Variants in GMPS observed in about 807,000 individuals in gnomAD.
The protein encoded by GMPS is GMP synthase [glutamine-hydrolyzing].
Under a neutral mutation model 77.9 loss-of-function variants are expected in GMPS, and 15 were observed. That is an observed-to-expected ratio of 0.19 (90% CI 0.13 to 0.30). The LOEUF (loss-of-function observed/expected upper bound fraction) is 0.30, where lower values mean the gene tolerates loss of function less well. Ranked by LOEUF, GMPS falls within the 10% of genes least tolerant of loss-of-function variation. GMPS has a pLI of 1.00. For synonymous variants in GMPS, 224 were observed against 275.9 expected, an observed-to-expected ratio of 0.81 and a Z score of 1.86; for missense variants, 590 against 838.8, an observed-to-expected ratio of 0.70 and a Z score of 3.66.
chr3:155,881,242 G>A (rs932430380), intron 1 of GMPS, among the ~76,000 whole-genome samples: 4 of 145,804 alleles, frequency 2.7e-5, no homozygotes, highest in Admixed American at 7.1e-5. Flanking sequence ...GCATGATCTC[G>A]GCTCACCACA....
intron 10 of GMPS, among the ~76,000 whole-genome samples, chr3:155,920,584 A>G (rs994391451): frequency 2.0e-5 from 3 of 148,926 alleles, no homozygotes; most frequent in African/African-American, 7.7e-5. Context: ...TAAAAAAAAA[A>G]AAAAAGAAAA....
intron 3 of GMPS, 51 bp downstream of exon 3, chr3:155,898,092 T>C: frequency 1.2e-6 from 1 of 861,308 alleles, no homozygotes; most frequent in South Asian, 1.3e-5. Context: ...ATTCTGTTTG[T>C]GAGTCATACT....
chr3:155,926,723 A>T (rs1755465728), intron 12 of GMPS, among the ~76,000 whole-genome samples: 1 of 152,186 alleles, frequency 6.6e-6, no homozygotes, highest in African/African-American at 2.4e-5. Context: ...TGTAAATAAA[A>T]CAAGATAAAA....
intron 5 of GMPS, 54 bp downstream of exon 5, chr3:155,906,317 T>C: frequency 1.0e-6 from 1 of 982,944 alleles, no homozygotes; most frequent in Non-Finnish European, 1.6e-6. Context: ...ATCTGAAGAG[T>C]AAGCATATGC....
At chr3:155,874,139 T>C (rs1392277565) in intron 1 of GMPS, among the ~76,000 whole-genome samples, 2 of 152,178 alleles carry the variant, frequency 1.3e-5, no homozygotes, top group African/African-American at 2.4e-5. Flanking sequence ...CTTTTTATTA[T>C]GGCAGGGGTG....
In GMPS at chr3:155,874,795, G is replaced by T. The variant is rs184244369; in HGVS notation, c.27+3898G>T. Among the ~76,000 whole-genome samples the T allele has an allele frequency of 4.7e-3, 719 of 151,528 alleles. 2 individuals carry two copies. Among genetic ancestry groups the T allele is most frequent in the Non-Finnish European group, 7.2e-3 (492 of 67,948 alleles). On this transcript the variant is annotated intron_variant, in intron 1 of 15. Coordinates refer to ENST00000496455, the MANE Select transcript of GMPS (RefSeq NM_003875.3). ...CAAATGTATTTGATACTTTTTTAAG[G>T]TTAATGAATTACATTCCAAAGGATG...
intron 12 of GMPS, among the ~76,000 whole-genome samples, chr3:155,926,282 G>A (rs182887909): frequency 6.6e-6 from 1 of 152,174 alleles, no homozygotes; most frequent in Admixed American, 6.5e-5. Context: ...AAAGTGTTAG[G>A]ATTGGAAGCA....
intron 1 of GMPS, among the ~76,000 whole-genome samples, chr3:155,887,881 T>C (rs1754372572): frequency 6.6e-6 from 1 of 152,172 alleles, no homozygotes; most frequent in Non-Finnish European, 1.5e-5. Flanking sequence ...TGGTGTTTAT[T>C]GTACCAAACT....
intron 12 of GMPS, among the ~76,000 whole-genome samples, chr3:155,927,014 TAA>T (rs199726862): frequency 3.6e-4 from 52 of 143,206 alleles, no homozygotes; most frequent in African/African-American, 1.3e-3. Context: ...AACTCCTTCT[TAA>T]AAAAAAAAAA....
At chr3:155,932,864 CT>C (rs1755661090) in intron 13 of GMPS, among the ~76,000 whole-genome samples, 1 of 152,178 alleles carries the variant, frequency 6.6e-6, no homozygotes. Flanking sequence ...ACAGAAGCAT[CT>C]TTAAAATGCT....
Position 155,937,966 on chromosome 3 carries a change from T to A in GMPS, c.*274T>A. On this transcript the variant is annotated 3_prime_UTR_variant, in exon 16 of 16. Transcript: ENST00000496455. Reference sequence around the variant, plus strand: ...CCTCACTTATTCTTTATGTATAAATTCACTGTTGATGTCTCTGTGAATATG... The same window carrying A: ...CCTCACTTATTCTTTATGTATAAATACACTGTTGATGTCTCTGTGAATATG... The A allele has an allele frequency of 2.9e-6, 1 of 339,038 alleles. No individual in the cohort carries two copies. The highest frequency in any genetic ancestry group is 5.4e-6 in the Non-Finnish European group (1 of 185,916). 21.0% of individuals were successfully genotyped at this position (339,038 alleles called of 1,614,324 possible). A position where few individuals can be genotyped will look rare whatever the true frequency, so the allele number is the denominator to read the frequency against.
At position 155,886,107 on chromosome 3, in the gene GMPS, T is replaced by C. The variant is rs145346857; in HGVS notation, c.28-7411T>C. ...AAGTGCTGGGATTACAGGTGTGAGC[T>C]ATGGCGCTCAGCCTTCAGTTGGTTT... On this transcript the variant is annotated intron_variant, in intron 1 of 15. Transcript: ENST00000496455. 1.6e-4 allele frequency among the ~76,000 whole-genome samples: 24 copies of C among 151,616 alleles called. No individual in the cohort carries two copies. The East Asian group carries it at 4.7e-3, about 30-fold the overall frequency.
At chr3:155,921,588 G>A (rs1202733594) in intron 10 of GMPS, among the ~76,000 whole-genome samples, 23 of 152,150 alleles carry the variant, frequency 1.5e-4, no homozygotes, top group Admixed American at 1.5e-3. Flanking sequence ...CCGAGCTTCT[G>A]GAGTTCAAGA....
At chr3:155,934,030 G>A (rs1755698704) in intron 13 of GMPS, among the ~76,000 whole-genome samples, 1 of 152,028 alleles carries the variant, frequency 6.6e-6, no homozygotes, top group Non-Finnish European at 1.5e-5. Context: ...TATTTCAATG[G>A]CCTTTTTAAT....
At chr3:155,871,987 A>T (rs771036094) in intron 1 of GMPS, among the ~76,000 whole-genome samples, 4 of 152,140 alleles carry the variant, frequency 2.6e-5, no homozygotes, top group African/African-American at 4.8e-5. Context: ...GCAGTTTTGA[A>T]TTGCGATTTA....
intron 11 of GMPS, among the ~76,000 whole-genome samples, chr3:155,923,689 C>T (rs1755380215): frequency 6.6e-6 from 1 of 152,194 alleles, no homozygotes; most frequent in African/African-American, 2.4e-5. Flanking sequence ...ATAGAATTTA[C>T]TACCAACAGT....
At chr3:155,873,635 G>GTTTTTTTTTTTTTT (rs1340921688) in intron 1 of GMPS, among the ~76,000 whole-genome samples, 46 of 32,664 alleles carry the variant, frequency 1.4e-3, no homozygotes, top group Non-Finnish European at 2.0e-3. Context: ...ACATGAGTAA[G>GTTTTTTTTTTTTTT]TTCTTTTTTT....
Position 155,939,714 on chromosome 3 carries a change from G to T in GMPS, c.*2022G>T, listed in dbSNP as rs1385949434. The T allele has an allele frequency of 5.2e-6, 1 of 193,702 alleles. No homozygotes were observed. The highest frequency in any genetic ancestry group is 2.3e-5 in the African/African-American group (1 of 43,134). 12.0% of individuals were successfully genotyped at this position (193,702 alleles called of 1,614,324 possible). A position where few individuals can be genotyped will look rare whatever the true frequency, so the allele number is the denominator to read the frequency against. The stretch of plus-strand genomic sequence containing the variant: ...ATATTGGGAAAATTGTTACTCCAAA[G>T]CACATCTTGACATGACATAGTTTCT... On this transcript the variant is annotated 3_prime_UTR_variant, in exon 16 of 16. Coordinates refer to ENST00000496455, the MANE Select transcript of GMPS (RefSeq NM_003875.3).
chr3:155,927,362 T>C (rs1480978903), intron 12 of GMPS, among the ~76,000 whole-genome samples: 1 of 152,226 alleles, frequency 6.6e-6, no homozygotes, highest in Non-Finnish European at 1.5e-5. Flanking sequence ...TATAGAGAAC[T>C]TCAACGTCTG....
Sources: gnomAD v4.1 joint callset for allele counts (sites outside exome capture counted in the v4.1 genomes callset) on GRCh38, gnomAD v4.1.1 for gene constraint, MANE v1.5 for transcripts, NCBI Gene and HGNC (gene_info 2026-07-23, HGNC 2026-07-21) for gene names.